PDE1A: variants seen among roughly 807,000 people sequenced by gnomAD.
PDE1A encodes dual specificity calcium/calmodulin-dependent 3',5'-cyclic nucleotide phosphodiesterase 1A.
PDE1A carries 35 observed loss-of-function variants against 61.7 expected under a neutral mutation model. That is an observed-to-expected ratio of 0.57 (90% CI 0.43 to 0.75). PDE1A has a LOEUF of 0.75. PDE1A is among the 30% of genes least tolerant of loss of function. The pLI is 0.00. For missense variants in PDE1A, 597 were observed against 630.6 expected (o/e 0.95, Z 0.57); for synonymous variants, 232 against 213.2 (o/e 1.09, Z -0.77).
chr2:182,702,553 A>C, the PDE1A span, among the ~76,000 whole-genome samples: 1 of 152,248 alleles, frequency 6.6e-6, no homozygotes, highest in Non-Finnish European at 1.5e-5. Context: ...TATGTGATGC[A>C]CTTCATAAAA....
chr2:182,258,391 G>C (rs1229390913), intron 2 of PDE1A, among the ~76,000 whole-genome samples: 1 of 152,144 alleles, frequency 6.6e-6, no homozygotes, highest in African/African-American at 2.4e-5. Context: ...CAGAGAGCTG[G>C]CTGCAAAGGA....
the PDE1A span, among the ~76,000 whole-genome samples, chr2:182,559,794 T>C: frequency 1.3e-5 from 2 of 152,096 alleles, no homozygotes; most frequent in African/African-American, 4.8e-5. Flanking sequence ...TGTACAGCCA[T>C]CAGAATTAAT....
the PDE1A span, among the ~76,000 whole-genome samples, chr2:182,543,329 T>C: frequency 1.8e-4 from 27 of 152,356 alleles, no homozygotes; most frequent in African/African-American, 6.0e-4. Flanking sequence ...ACTATTCTAC[T>C]CATTGTAAGA....
intron 2 of PDE1A, among the ~76,000 whole-genome samples, chr2:182,520,751 A>G (rs1690512559): frequency 6.6e-6 from 1 of 152,036 alleles, no homozygotes; most frequent in Admixed American, 6.6e-5. Context: ...TCTAAGGAGA[A>G]GAAAATCTAA....
the PDE1A span, among the ~76,000 whole-genome samples, chr2:182,670,697 C>A: frequency 6.6e-6 from 1 of 152,178 alleles, no homozygotes; most frequent in Non-Finnish European, 1.5e-5. Context: ...ATTTGGGAAA[C>A]CAATCACCTA....
At chr2:182,607,124 C>T in the PDE1A span, among the ~76,000 whole-genome samples, 2 of 152,012 alleles carry the variant, frequency 1.3e-5, no homozygotes, top group African/African-American at 4.8e-5. Flanking sequence ...GTTAGTTAGG[C>T]AATTATGATG....
chr2:182,654,762 C>T, the PDE1A span, among the ~76,000 whole-genome samples: 36 of 152,294 alleles, frequency 2.4e-4, no homozygotes, highest in Admixed American at 7.8e-4. Flanking sequence ...ATCTCTCTAG[C>T]TCAGTCTGGA....
At chr2:182,490,451 A>G (rs559875202) in intron 2 of PDE1A, among the ~76,000 whole-genome samples, 4 of 152,296 alleles carry the variant, frequency 2.6e-5, no homozygotes, top group Non-Finnish European at 5.9e-5. Context: ...GGCTCACTGC[A>G]AACTGCCTCC....
At chr2:182,455,183 A>C (rs1418677722) in intron 2 of PDE1A, among the ~76,000 whole-genome samples, 1 of 152,166 alleles carries the variant, frequency 6.6e-6, no homozygotes, top group Non-Finnish European at 1.5e-5. Context: ...CCATCAGAGA[A>C]ATGCAAATCA....
intron 2 of PDE1A, among the ~76,000 whole-genome samples, chr2:182,507,305 G>A (rs775358864): frequency 2.6e-5 from 4 of 152,268 alleles, no homozygotes; most frequent in African/African-American, 9.6e-5. Context: ...ACAAAACACC[G>A]ACAACTTAGT....
At chr2:182,313,141 C>A (rs1696100588) in intron 1 of PDE1A, among the ~76,000 whole-genome samples, 1 of 152,156 alleles carries the variant, frequency 6.6e-6, no homozygotes, top group African/African-American at 2.4e-5. Context: ...TGGCCAGGTG[C>A]AGTGGCTCAC....
At chr2:182,689,467 T>C in the PDE1A span, among the ~76,000 whole-genome samples, 2 of 152,118 alleles carry the variant, frequency 1.3e-5, no homozygotes, top group Admixed American at 1.3e-4. Flanking sequence ...ATAAAAATGT[T>C]CTTTGAAACC....
At chr2:182,295,847 T>G (rs989301735) in intron 1 of PDE1A, among the ~76,000 whole-genome samples, 1 of 152,170 alleles carries the variant, frequency 6.6e-6, no homozygotes, top group African/African-American at 2.4e-5. Context: ...AACTATTGAT[T>G]CCTTATAAGG....
At chr2:182,421,737 G>A (rs1703290037) in intron 1 of PDE1A, among the ~76,000 whole-genome samples, 1 of 152,114 alleles carries the variant, frequency 6.6e-6, no homozygotes, top group Non-Finnish European at 1.5e-5. Context: ...TGTAATGTCT[G>A]AAATTTTCTT....
At chr2:182,264,384 T>G (rs1333153773) in exon 2 of PDE1A, 7 of 1,613,404 alleles carry the variant, frequency 4.3e-6, no homozygotes, top group Middle Eastern at 1.6e-4. Context: ...TAACATCACC[T>G]CTTTCCAGCT....
chr2:182,640,936 C>G, the PDE1A span, among the ~76,000 whole-genome samples: 1 of 142,242 alleles, frequency 7.0e-6, no homozygotes, highest in Non-Finnish European at 1.5e-5. Context: ...AGGAGAATTG[C>G]TTGAACCTGG....
the PDE1A span, among the ~76,000 whole-genome samples, chr2:182,700,659 T>C: frequency 7.2e-6 from 1 of 138,472 alleles, no homozygotes; most frequent in Admixed American, 7.6e-5. Flanking sequence ...GAGGCAGAGG[T>C]TGCAGTGAGC....
chr2:182,662,833 A>T, the PDE1A span, among the ~76,000 whole-genome samples: 1 of 152,220 alleles, frequency 6.6e-6, no homozygotes, highest in Non-Finnish European at 1.5e-5. Flanking sequence ...GACAAATAGG[A>T]TCTAATTAAA....
chr2:182,461,338 A>C (rs1686275396), intron 2 of PDE1A, among the ~76,000 whole-genome samples: 1 of 152,124 alleles, frequency 6.6e-6, no homozygotes, highest in Admixed American at 6.6e-5. Context: ...TCCATCGAAA[A>C]ATTTTAAAAA....
Sources: gnomAD v4.1 joint callset for allele counts (sites outside exome capture counted in the v4.1 genomes callset) on GRCh38, gnomAD v4.1.1 for gene constraint, MANE v1.5 for transcripts, NCBI Gene and HGNC (gene_info 2026-07-23, HGNC 2026-07-21) for gene names.